NCAPG: variants seen among roughly 807,000 people sequenced by gnomAD.
The protein encoded by NCAPG is non-SMC condensin I complex subunit G.
NCAPG carries 69 observed loss-of-function variants against 113.1 expected under a neutral mutation model. The ratio of observed to expected loss-of-function variants is 0.61; its 90% confidence interval spans 0.50 to 0.75. The LOEUF (loss-of-function observed/expected upper bound fraction) is 0.75, where lower values mean the gene tolerates loss of function less well. Ranked by LOEUF, NCAPG falls within the 30% of genes least tolerant of loss-of-function variation. The pLI is 0.00. For missense variants in NCAPG, 1,058 were observed against 1,177.0 expected, an observed-to-expected ratio of 0.90 and a Z score of 1.48; for synonymous variants, 370 against 415.8, an observed-to-expected ratio of 0.89 and a Z score of 1.34.
Position 17,825,067 on chromosome 4 carries a change from T to C in NCAPG, c.1473+10T>C. The C allele has an allele frequency of 6.3e-7, 1 of 1,599,740 alleles. No individual in the cohort carries two copies. The highest frequency in any genetic ancestry group is 8.6e-7 in the Non-Finnish European group (1 of 1,168,798). ...AAAGAAAGAACTCAAGGTAAGTCTC[T>C]TTTAAATGAAAGAAGTGCTTGAGTG... On this transcript the variant is annotated intron_variant, in intron 10 of 20. Transcript: ENST00000251496.
intron 12 of NCAPG, among the ~76,000 whole-genome samples, chr4:17,829,982 G>A (rs559014801): frequency 6.6e-6 from 1 of 152,214 alleles, no homozygotes; most frequent in African/African-American, 2.4e-5. Flanking sequence ...ACCCTGGTCT[G>A]ATATTTGAGT....
rs762948518 is a variant in NCAPG at position 17,825,446 on chromosome 4, A to G, written c.1538A>G (p.Gln513Arg). The G allele has an allele frequency of 9.3e-6, 15 of 1,608,486 alleles. No homozygotes were observed. Among genetic ancestry groups the G allele is most frequent in the Non-Finnish European group, 1.3e-5 (15 of 1,178,396 alleles). ...KEALENCITL[Q>R]DFNRASELKE... is the part of the protein sequence containing the mutation. ...GCTTTGGAAAATTGCATTACCTTACAGGATTTTAATCGGGCATCAGAATTA... is the reference window on the plus strand; with the variant it reads ...GCTTTGGAAAATTGCATTACCTTACGGGATTTTAATCGGGCATCAGAATTA... Residue 513 changes from glutamine to arginine, a missense_variant, in exon 11 of 21, where the codon CAG (glutamine) becomes CGG (arginine). Transcript: ENST00000251496.
chr4:17,830,328 G>A (rs1323997890), intron 12 of NCAPG, among the ~76,000 whole-genome samples: 2 of 151,944 alleles, frequency 1.3e-5, no homozygotes, highest in Non-Finnish European at 2.9e-5. Context: ...AGGAGGCTGA[G>A]GTTGCAGTGA....
At chr4:17,819,702 A>G (rs1401289327) in intron 7 of NCAPG, among the ~76,000 whole-genome samples, 1 of 152,154 alleles carries the variant, frequency 6.6e-6, no homozygotes, top group Non-Finnish European at 1.5e-5. Flanking sequence ...GCCCAGCCTG[A>G]TGTATTTTTT....
Position 17,813,599 on chromosome 4 carries a change from T to C in NCAPG, c.544+454T>C, listed in dbSNP as rs140956523. ...TTTTAAAAAATTCATTTGCATTCTTTATATATTTTGAAAAGAAATCCTTGG... is the reference window on the plus strand; with the variant it reads ...TTTTAAAAAATTCATTTGCATTCTTCATATATTTTGAAAAGAAATCCTTGG... On this transcript the variant is annotated intron_variant, in intron 3 of 20. Transcript: ENST00000251496. Among the ~76,000 whole-genome samples the C allele has an allele frequency of 1.1e-3, 169 of 152,304 alleles. 1 individual carries two copies. Among genetic ancestry groups the C allele is most frequent in the African/African-American group, 3.7e-3 (154 of 41,568 alleles).
intron 5 of NCAPG, 129 bp from the exon 6 acceptor site, chr4:17,817,132 C>G (rs1404965865): frequency 1.6e-6 from 1 of 640,418 alleles, no homozygotes; most frequent in Non-Finnish European, 2.7e-6. Context: ...TATATACATG[C>G]TTAGTTGTGC....
chr4:17,831,350 T>C (rs557453364), intron 13 of NCAPG, among the ~76,000 whole-genome samples: 9 of 152,312 alleles, frequency 5.9e-5, no homozygotes, highest in South Asian at 2.1e-4. Context: ...CAAATACTTA[T>C]TGAGTGCGTA....
chr4:17,819,282 A>G (rs897729351), intron 7 of NCAPG, among the ~76,000 whole-genome samples: 6 of 152,100 alleles, frequency 3.9e-5, no homozygotes, highest in Middle Eastern at 3.2e-3. Flanking sequence ...TTTCCTTTAC[A>G]TTTTTGGGTA....
Position 17,837,254 on chromosome 4 carries a change from G to A in NCAPG, c.2205G>A (p.Leu735=). ...VSSRILSRLI[L]LWYNPVTEED... ...GCAGGATTCTTTCTCGTCTTATTTTGTTATGGTACAATCCTGTGACTGAAG... is the reference window on the plus strand; with the variant it reads ...GCAGGATTCTTTCTCGTCTTATTTTATTATGGTACAATCCTGTGACTGAAG... Residue 735 remains leucine, a synonymous_variant, in exon 15 of 21, where the codon TTG becomes TTA. Coordinates refer to ENST00000251496, the MANE Select transcript of NCAPG (RefSeq NM_022346.5). The A allele has an allele frequency of 1.9e-6, 3 of 1,613,932 alleles. No individual in the cohort carries two copies. Among genetic ancestry groups the A allele is most frequent in the East Asian group, 4.5e-5 (2 of 44,866 alleles).
chr4:17,822,216 T>A (rs2109050234), intron 7 of NCAPG, among the ~76,000 whole-genome samples: 1 of 142,656 alleles, frequency 7.0e-6, no homozygotes, highest in African/African-American at 2.6e-5. Flanking sequence ...TTTTTTGAGA[T>A]GGAGTTTTTC....
Position 17,811,087 on chromosome 4 carries a change from GA to G in NCAPG, c.13del (p.Arg5GlyfsTer27). The G allele has an allele frequency of 6.6e-7, 1 of 1,520,548 alleles. No individual in the cohort carries two copies. Among genetic ancestry groups the G allele is most frequent in the East Asian group, 2.7e-5 (1 of 37,080 alleles). The allele number at this position is 1,520,548 out of a possible 1,614,324, so 94.2% of individuals were successfully genotyped here. The stretch of plus-strand genomic sequence containing the variant: ...GCAGGGTTCCAGAGCCATGGGAGCG[GA>G]AAGGAGGCTGCTGTCGATTAAGGAG... MGA[E>X]RRLLSIKEAF... On this transcript the variant is annotated frameshift_variant, in exon 1 of 21. Coordinates refer to ENST00000251496, the MANE Select transcript of NCAPG (RefSeq NM_022346.5). LOFTEE classifies it high-confidence loss of function. The surrounding 1 kb of genome is among the most constrained non-coding windows in gnomAD (Gnocchi z 5.3).
chr4:17,814,823 C>A, intron 3 of NCAPG, 30 bp from the exon 4 acceptor site: 1 of 1,583,180 alleles, frequency 6.3e-7, no homozygotes, highest in Non-Finnish European at 8.7e-7. Context: ...ATAATTTCAT[C>A]AGTACTAAAA....
Position 17,811,165 on chromosome 4 carries a change from G to A in NCAPG, c.88G>A (p.Ala30Thr), listed in dbSNP as rs1720912126. Residue 30 changes from alanine to threonine, a missense_variant, in exon 1 of 21, where the codon GCG becomes ACG. Transcript: ENST00000251496. The surrounding 1 kb of genome is among the most constrained non-coding windows in gnomAD (Gnocchi z 5.3). The part of the protein sequence containing the change: ...PHQNQAKLVV[A>T]LSRTYRTMDD... ...CCAGAACCAGGCGAAGCTGGTGGTG[G>A]CGCTGAGCCGCACCTACCGCACGGT... The A allele has an allele frequency of 6.6e-7, 1 of 1,506,122 alleles. No individual in the cohort carries two copies. Among genetic ancestry groups the A allele is most frequent in the Non-Finnish European group, 8.9e-7 (1 of 1,125,136 alleles). 93.3% of individuals were successfully genotyped at this position (1,506,122 alleles called of 1,614,324 possible).
At position 17,811,076 on chromosome 4, in the gene NCAPG, C is replaced by A; in HGVS notation, c.-2C>A. ...GACTCGTCCCGGCAGGGTTCCAGAGCCATGGGAGCGGAAAGGAGGCTGCTG... is the reference window on the plus strand; with the variant it reads ...GACTCGTCCCGGCAGGGTTCCAGAGACATGGGAGCGGAAAGGAGGCTGCTG... On this transcript the variant is annotated 5_prime_UTR_variant, in exon 1 of 21. Transcript: ENST00000251496. This position sits in a 1 kb window ranked among gnomAD's most constrained non-coding sequence, Gnocchi z 5.3. 1 of 1,504,310 alleles carries A rather than the reference C, an allele frequency of 6.6e-7. No homozygotes were observed. The highest frequency in any genetic ancestry group is 1.3e-5 in the South Asian group (1 of 79,168). 93.2% of individuals were successfully genotyped at this position (1,504,310 alleles called of 1,614,324 possible). A position where few individuals can be genotyped will look rare whatever the true frequency, so the allele number is the denominator to read the frequency against.
chr4:17,829,748 T>C (rs968513965), intron 12 of NCAPG, among the ~76,000 whole-genome samples: 1 of 152,226 alleles, frequency 6.6e-6, no homozygotes, highest in East Asian at 1.9e-4. Flanking sequence ...AAATTATTCA[T>C]TGAGCAAATA....
At chr4:17,812,529 G>GA (rs1721033067) in intron 2 of NCAPG, 105 bp downstream of exon 2, 1 of 784,008 alleles carries the variant, frequency 1.3e-6, no homozygotes, top group Non-Finnish European at 2.1e-6. Context: ...TCTAGTGATT[G>GA]AAAAAACCTG....
At chr4:17,842,111 AAATT>A (rs1553852034) in intron 19 of NCAPG, 195 bp from the exon 20 acceptor site, 2 of 515,336 alleles carry the variant, frequency 3.9e-6, no homozygotes, top group Non-Finnish European at 7.1e-6. Flanking sequence ...CTTACAAAAT[AAATT>A]AAGTTTTAAT....
In NCAPG at chr4:17,828,834, G is replaced by A. The variant is rs1345632319; in HGVS notation, c.1764+446G>A. ...TAATTCCCATAGGGACACAAGTACT[G>A]TAAGACTCTAGAACATTACTTTCTG... On this transcript the variant is annotated intron_variant, in intron 12 of 20. Coordinates refer to ENST00000251496, the MANE Select transcript of NCAPG (RefSeq NM_022346.5). 4.6e-5 allele frequency among the ~76,000 whole-genome samples: 7 copies of A among 151,826 alleles called. 1 individual carries two copies. The highest frequency in any genetic ancestry group is 3.9e-4 in the Admixed American group (6 of 15,254).
Position 17,817,027 on chromosome 4 carries a change from C to T in NCAPG, c.776-234C>T, listed in dbSNP as rs150016986. On this transcript the variant is annotated intron_variant, in intron 5 of 20. Transcript: ENST00000251496. ...ACTCGGGAGGCTGAGGCAGGAGAAT[C>T]GCTTGAATCTGGTAGGTGGAGGTTG... is the stretch of plus-strand genomic sequence containing the variant. Among the ~76,000 whole-genome samples, 843 of 152,236 alleles carry T rather than the reference C, an allele frequency of 5.5e-3. 11 individuals carry two copies. Among genetic ancestry groups the T allele is most frequent in the Middle Eastern group, 0.017 (5 of 294 alleles).
Sources: allele counts gnomAD v4.1 joint callset (sites outside exome capture counted in the v4.1 genomes callset), GRCh38; gene constraint gnomAD v4.1.1; non-coding constraint Gnocchi (gnomAD v3.1); transcripts MANE v1.5; gene names NCBI Gene and HGNC (gene_info 2026-07-23, HGNC 2026-07-21).